Variants in DSN1 observed in about 807,000 individuals in gnomAD.
The protein encoded by DSN1 is DSN1 component of MIS12 kinetochore complex, also known as kinetochore-associated protein DSN1 homolog.
DSN1 carries 31 observed loss-of-function variants against 45.7 expected under a neutral mutation model. The observed-to-expected ratio is 0.68, with a 90% CI of 0.51 to 0.92. The LOEUF (loss-of-function observed/expected upper bound fraction) is 0.92. Among genes scored for constraint, DSN1 ranks in the 40% least tolerant of loss-of-function variants. DSN1 has a pLI of 0.00. For synonymous variants in DSN1, 134 were observed against 142.3 expected (o/e 0.94, Z 0.41); for missense variants, 394 against 414.2 (o/e 0.95, Z 0.42).
intron 1 of DSN1, 81 bp from the exon 2 acceptor site, chr20:36,771,554 AG>A (rs1334598229): frequency 1.8e-5 from 25 of 1,363,472 alleles, no homozygotes; most frequent in Non-Finnish European, 2.4e-5. Flanking sequence ...CAGAATAAAT[AG>A]GCCGTGTGCT....
intron 5 of DSN1, among the ~76,000 whole-genome samples, chr20:36,764,056 A>C (rs1019946212): frequency 6.6e-6 from 1 of 151,810 alleles, no homozygotes; most frequent in Non-Finnish European, 1.5e-5. Flanking sequence ...TCTACAAAAA[A>C]ATTTTTTTTA....
At chr20:36,762,408 GC>G in intron 6 of DSN1, 52 bp downstream of exon 6, 2 of 1,545,356 alleles carry the variant, frequency 1.3e-6, no homozygotes, top group Non-Finnish European at 1.8e-6. Context: ...CCAACGCCCG[GC>G]CTAAAGTCCT....
chr20:36,764,212 T>G (rs1259518151), intron 5 of DSN1, among the ~76,000 whole-genome samples: 1 of 148,392 alleles, frequency 6.7e-6, no homozygotes, highest in African/African-American at 2.5e-5. Flanking sequence ...CAGAGCGAGA[T>G]CCTGTCTCAA....
intron 8 of DSN1, among the ~76,000 whole-genome samples, chr20:36,756,571 A>C (rs1031224438): frequency 6.6e-6 from 1 of 152,238 alleles, no homozygotes; most frequent in African/African-American, 2.4e-5. Context: ...ACTACAATTT[A>C]CTGAGTGCTA....
chr20:36,766,866 T>C, intron 4 of DSN1, 25 bp from the exon 5 acceptor site: 3 of 1,557,394 alleles, frequency 1.9e-6, no homozygotes, highest in Middle Eastern at 1.7e-4. Flanking sequence ...GCATTTTTAG[T>C]ACAACCACCA....
chr20:36,762,599 A>G, intron 5 of DSN1, 51 bp from the exon 6 acceptor site: 2 of 1,533,562 alleles, frequency 1.3e-6, no homozygotes, highest in Non-Finnish European at 1.8e-6. Context: ...ATACGTTTTC[A>G]TAGTGAGATG....
chr20:36,759,583 A>C (rs2148264990), intron 6 of DSN1, among the ~76,000 whole-genome samples: 1 of 151,718 alleles, frequency 6.6e-6, no homozygotes, highest in Non-Finnish European at 1.5e-5. Flanking sequence ...TCCTAGGTTT[A>C]TGCCATTCTC....
At chr20:36,759,446 A>G (rs1986852350) in intron 6 of DSN1, among the ~76,000 whole-genome samples, 1 of 152,094 alleles carries the variant, frequency 6.6e-6, no homozygotes, top group Admixed American at 6.6e-5. Context: ...TTCAAAAAAT[A>G]CTTAATGTTG....
rs1354538400 is a variant in DSN1, at chr20:36,762,554, C to T, written c.503-6G>A. ...TTCTTCAGAAAGAGAAGATGCTAGACAGCACAAATTTACGTGTCATAAAAT... is the reference window on the plus strand; with the variant it reads ...TTCTTCAGAAAGAGAAGATGCTAGATAGCACAAATTTACGTGTCATAAAAT... On this transcript the variant is annotated splice_region_variant and splice_polypyrimidine_tract_variant and intron_variant, in intron 5 of 10. Transcript: ENST00000373750. 2 of 1,611,502 alleles carry T rather than the reference C, an allele frequency of 1.2e-6. No homozygotes were observed. The highest frequency in any genetic ancestry group is 1.7e-6 in the Non-Finnish European group (2 of 1,178,872).
At chr20:36,762,100 CTTTTTTTTTTTT>C (rs1235328830) in intron 6 of DSN1, among the ~76,000 whole-genome samples, 8 of 121,576 alleles carry the variant, frequency 6.6e-5, no homozygotes, top group Admixed American at 2.6e-4. Context: ...AGTCCTAATT[CTTTTTTTTTTTT>C]TTTTTTTTTT....
intron 5 of DSN1, among the ~76,000 whole-genome samples, chr20:36,765,245 G>GT (rs1197494642): frequency 2.4e-4 from 14 of 58,620 alleles, no homozygotes; most frequent in Non-Finnish European, 3.5e-4. Context: ...AAAGGCTTGT[G>GT]TTAAAAAAAA....
At chr20:36,767,044 G>A (rs988004290) in intron 4 of DSN1, among the ~76,000 whole-genome samples, 121 of 151,992 alleles carry the variant, frequency 8.0e-4, no homozygotes, top group African/African-American at 2.7e-3. Context: ...AGTGGCTTAC[G>A]TCTGTAATCC....
At chr20:36,756,051 G>A (rs1278811129) in intron 8 of DSN1, among the ~76,000 whole-genome samples, 1 of 151,988 alleles carries the variant, frequency 6.6e-6, no homozygotes, top group Admixed American at 6.6e-5. Flanking sequence ...TCAGGTCTCG[G>A]CTCACTGCAA....
rs190954274 is a variant in DSN1, at chr20:36,763,471, G to A, written c.503-923C>T. Among the ~76,000 whole-genome samples, 77 of 145,956 alleles carry A rather than the reference G, an allele frequency of 5.3e-4. 1 individual carries two copies. The highest frequency in any genetic ancestry group is 2.3e-3 in the Admixed American group (33 of 14,540). ...TAGGCAAGAGGGTAATAAGAAACAC[G>A]GAGGCAAATAAAAAATTATGGGCAT... On this transcript the variant is annotated intron_variant, in intron 5 of 10. Transcript: ENST00000373750.
At chr20:36,767,354 GC>G (rs1167089149) in intron 4 of DSN1, among the ~76,000 whole-genome samples, 1 of 151,774 alleles carries the variant, frequency 6.6e-6, no homozygotes, top group Non-Finnish European at 1.5e-5. Flanking sequence ...ACTTTTTGTT[GC>G]TTGGACTACA....
Position 36,766,757 on chromosome 20 carries a change from T to C in DSN1, c.502+12A>G. ...CCCAGGGTCAAAGCTCACTCATCTG[T>C]TAGCAACTTACCTTTGGCTCTAAAA... is the stretch of plus-strand genomic sequence containing the variant. On this transcript the variant is annotated intron_variant, in intron 5 of 10. Coordinates refer to ENST00000373750, the MANE Select transcript of DSN1 (RefSeq NM_001145315.2). 6.2e-7 allele frequency: 1 copy of C among 1,608,788 alleles called. No homozygotes were observed. The highest frequency in any genetic ancestry group is 8.5e-7 in the Non-Finnish European group (1 of 1,178,292).
At position 36,767,968 on chromosome 20, in the gene DSN1, C is replaced by G; in HGVS notation, c.429+1G>C. On this transcript the variant is annotated splice_donor_variant, in intron 4 of 10. Transcript: ENST00000373750. LOFTEE classifies it high-confidence loss of function. ...ACATTTCCTAGTTATAAGAACCTTACCTGGAAACTGGAAAGCAGGAGACAG... is the reference window on the plus strand; with the variant it reads ...ACATTTCCTAGTTATAAGAACCTTAGCTGGAAACTGGAAAGCAGGAGACAG... 1.2e-6 allele frequency: 2 copies of G among 1,613,922 alleles called. No individual in the cohort carries two copies. Among genetic ancestry groups the G allele is most frequent in the Non-Finnish European group, 1.7e-6 (2 of 1,179,932 alleles).
chr20:36,767,199 C>T lies in DSN1; in HGVS notation c.430-358G>A, dbSNP rs368228723. 5.9e-5 allele frequency among the ~76,000 whole-genome samples: 9 copies of T among 151,684 alleles called. No individual in the cohort carries two copies. The East Asian group carries it at 7.8e-4, about 13-fold the overall frequency. ...GCGCGTGCCTGTAGTCCCAGCTACT[C>T]GGGAGGCTGAGGCGGTAGAATCGCT... On this transcript the variant is annotated intron_variant, in intron 4 of 10. Transcript: ENST00000373750.
intron 8 of DSN1, among the ~76,000 whole-genome samples, chr20:36,756,229 T>A (rs1238287072): frequency 6.6e-6 from 1 of 152,112 alleles, no homozygotes; most frequent in Non-Finnish European, 1.5e-5. Flanking sequence ...ATCTGCCCGC[T>A]TCGGCCTCCC....
Sources: allele counts gnomAD v4.1 joint callset (sites outside exome capture counted in the v4.1 genomes callset), GRCh38; gene constraint gnomAD v4.1.1; transcripts MANE v1.5; gene names NCBI Gene and HGNC (gene_info 2026-07-23, HGNC 2026-07-21).